BAIAP2: variants seen among roughly 807,000 people sequenced by gnomAD.
The protein encoded by BAIAP2 is BAR/IMD domain-containing adapter protein 2.
Under a neutral mutation model 63.0 loss-of-function variants are expected in BAIAP2, and 18 were observed. That is an observed-to-expected ratio of 0.29 (90% confidence interval 0.20 to 0.42). The LOEUF is 0.42. Ranked by LOEUF, BAIAP2 falls within the 10% of genes least tolerant of loss-of-function variation. The probability of loss-of-function intolerance (pLI) is 1.00; values close to 1 mark genes in which losing one functional copy is unlikely to be tolerated. For missense variants in BAIAP2, 610 were observed against 734.3 expected (o/e 0.83, Z 1.96); for synonymous variants, 386 against 307.6 (o/e 1.25, Z -2.67).
intron 10 of BAIAP2, among the ~76,000 whole-genome samples, 170 bp downstream of exon 10, chr17:81,104,885 C>G (rs1470670464): frequency 6.6e-6 from 1 of 152,118 alleles, no homozygotes; most frequent in Admixed American, 6.5e-5. Context: ...GGGTCTTCGC[C>G]ACCAACAGGC....
intron 3 of BAIAP2, among the ~76,000 whole-genome samples, chr17:81,061,827 C>T (rs1261232468): frequency 3.9e-5 from 6 of 152,132 alleles, no homozygotes; most frequent in Non-Finnish European, 8.8e-5. Context: ...TTTCACTTGG[C>T]TTTTGTCTTC....
chr17:81,072,675 C>T (rs1056021834), intron 3 of BAIAP2, among the ~76,000 whole-genome samples: 4 of 152,196 alleles, frequency 2.6e-5, no homozygotes, highest in Admixed American at 6.5e-5. Context: ...CCAGAGGCCA[C>T]GCCTCCCACT....
At chr17:81,038,902 G>A (rs901875249) in intron 1 of BAIAP2, among the ~76,000 whole-genome samples, 3 of 151,380 alleles carry the variant, frequency 2.0e-5, no homozygotes, top group Non-Finnish European at 4.4e-5. Flanking sequence ...TTCCTGGGTG[G>A]GGGGGGCAGC....
intron 3 of BAIAP2, chr17:81,083,714 GC>G: frequency 6.6e-6 from 1 of 152,364 alleles, no homozygotes; most frequent in Admixed American, 6.5e-5. Context: ...CGGCTAGCCA[GC>G]CCCCTGGGCT....
chr17:81,107,382 G>A (rs981260926), intron 12 of BAIAP2: 4 of 156,410 alleles, frequency 2.6e-5, no homozygotes, highest in Non-Finnish European at 5.6e-5. Context: ...CAGTCAGTGT[G>A]ACCCTGGATT....
chr17:81,101,890 G>A (rs1330446102), intron 7 of BAIAP2, among the ~76,000 whole-genome samples: 2 of 152,114 alleles, frequency 1.3e-5, no homozygotes, highest in African/African-American at 4.8e-5. Flanking sequence ...GTGGAGCGCA[G>A]GCCTCCCGCC....
chr17:81,066,392 C>G (rs1313048579), intron 3 of BAIAP2, among the ~76,000 whole-genome samples: 1 of 152,222 alleles, frequency 6.6e-6, no homozygotes, highest in African/African-American at 2.4e-5. Context: ...CACTGAGTCA[C>G]TGAATTAAGG....
Position 81,057,978 on chromosome 17 carries a change from C to CCCG in BAIAP2, c.217+13_217+14insGCC. 3.9e-6 allele frequency: 3 copies of CCCG among 762,748 alleles called. No homozygotes were observed. Among genetic ancestry groups the CCCG allele is most frequent in the Non-Finnish European group, 5.3e-6 (3 of 568,244 alleles). The allele number at this position is 762,748 out of a possible 1,614,324, so 47.2% of individuals were successfully genotyped here. A position where few individuals can be genotyped will look rare whatever the true frequency, so the allele number is the denominator to read the frequency against. ...GCTCCAAAGAACTCGGTGAGACCCC[C>CCCG]CCCCCCCCCCCGCCTGGTAGTCGCC... On this transcript the variant is annotated intron_variant, in intron 3 of 13. Transcript: ENST00000428708.
intron 2 of BAIAP2, among the ~76,000 whole-genome samples, chr17:81,054,559 G>A (rs558415384): frequency 6.6e-6 from 1 of 152,296 alleles, no homozygotes; most frequent in South Asian, 2.1e-4. Context: ...AGACGGGAGG[G>A]GTGCGGATGT....
Position 81,086,499 on chromosome 17 carries a change from G to A in BAIAP2, c.408G>A (p.Lys136=). ...GGAGCAAAGGCGACGCCCTGGACAA[G>A]TGTCAGGCTGAGCTGAAGAAGCTTC... is the stretch of plus-strand genomic sequence containing the variant. ...EQRSKGDALD[K]CQAELKKLRK... Residue 136 remains lysine (K), a synonymous_variant, in exon 6 of 14, where the codon AAG becomes AAA. Coordinates refer to ENST00000428708, the MANE Select transcript of BAIAP2 (RefSeq NM_001144888.2). 6.2e-7 allele frequency: 1 copy of A among 1,614,058 alleles called. No individual in the cohort carries two copies. Among genetic ancestry groups the A allele is most frequent in the Non-Finnish European group, 8.5e-7 (1 of 1,180,022 alleles).
intron 13 of BAIAP2, chr17:81,109,372 TAAAAAAAAA>T (rs747875777): frequency 4.6e-5 from 41 of 890,642 alleles, no homozygotes; most frequent in African/African-American, 8.3e-5. Context: ...AGAAAAATCT[TAAAAAAAAA>T]AAAAAAAAAA....
At chr17:81,096,342 G>A (rs1351229182) in intron 6 of BAIAP2, among the ~76,000 whole-genome samples, 2 of 152,192 alleles carry the variant, frequency 1.3e-5, no homozygotes, top group East Asian at 1.9e-4. Flanking sequence ...GGTGCGTTGG[G>A]GGTTTCTCCA....
chr17:81,070,077 A>G (rs959531634), intron 3 of BAIAP2, among the ~76,000 whole-genome samples: 4 of 152,106 alleles, frequency 2.6e-5, no homozygotes, highest in African/African-American at 9.7e-5. Flanking sequence ...CTCCCACCTC[A>G]GCTTCTGAGT....
intron 3 of BAIAP2, among the ~76,000 whole-genome samples, chr17:81,060,161 C>G (rs1205176636): frequency 6.6e-6 from 1 of 152,212 alleles, no homozygotes; most frequent in Non-Finnish European, 1.5e-5. Context: ...GTCAGGTTTT[C>G]TTCCCGGTAA....
intron 3 of BAIAP2, among the ~76,000 whole-genome samples, chr17:81,065,919 C>T (rs2051376381): frequency 1.3e-5 from 2 of 152,248 alleles, no homozygotes; most frequent in African/African-American, 2.4e-5. Flanking sequence ...CAGGACGGTG[C>T]CCTGTCTTCA....
Position 81,115,811 on chromosome 17 carries a change from A to G in BAIAP2, c.1577A>G (p.Asn526Ser), listed in dbSNP as rs1182035051. Residue 526 changes from asparagine (N) to serine (S), a missense_variant, in exon 14 of 14, where the codon AAC becomes AGC. Asn to Ser is a conservative substitution (Grantham distance 46). Around this residue, in one of 5 missense-constraint regions of BAIAP2, gnomAD observed 114 missense variants for 98.2 expected, o/e 1.16. Transcript: ENST00000428708. ...GTCCAGCTGAAGCCGACAGTGACCAACGACAGGTCTGCCCCCCTCCTCAGC... is the reference window on the plus strand; with the variant it reads ...GTCCAGCTGAAGCCGACAGTGACCAGCGACAGGTCTGCCCCCCTCCTCAGC... Reference protein sequence around the residue: ...AHVQLKPTVTNDRSAPLLS With the variant: ...AHVQLKPTVTSDRSAPLLS 4.3e-6 allele frequency: 7 copies of G among 1,613,400 alleles called. No individual in the cohort carries two copies. Among genetic ancestry groups the G allele is most frequent in the African/African-American group, 4.0e-5 (3 of 74,942 alleles).
At chr17:81,067,059 C>T (rs538119329) in intron 3 of BAIAP2, among the ~76,000 whole-genome samples, 128 of 152,372 alleles carry the variant, frequency 8.4e-4, no homozygotes, top group African/African-American at 2.8e-3. Flanking sequence ...TCCAGCACAG[C>T]GGCGCCTGCA....
At chr17:81,111,857 G>A (rs150087305) in intron 13 of BAIAP2, among the ~76,000 whole-genome samples, 3 of 152,352 alleles carry the variant, frequency 2.0e-5, no homozygotes, top group African/African-American at 7.2e-5. Context: ...CTAGGAGGGC[G>A]GCTCTGCAAA....
At chr17:81,054,794 T>C (rs925911672) in intron 2 of BAIAP2, among the ~76,000 whole-genome samples, 1 of 152,158 alleles carries the variant, frequency 6.6e-6, no homozygotes, top group African/African-American at 2.4e-5. Flanking sequence ...GGCACTCCAC[T>C]GCGGGGCCTT....
Sources: gnomAD v4.1 joint callset for allele counts (sites outside exome capture counted in the v4.1 genomes callset) on GRCh38, gnomAD v4.1.1 for gene constraint, gnomAD v4.1.1 regional missense constraint, MANE v1.5 for transcripts, NCBI Gene and HGNC (gene_info 2026-07-23, HGNC 2026-07-21) for gene names.